The following FABP6 variants were observed in gnomAD, a reference collection of about 807,000 sequenced individuals.
FABP6 encodes the protein gastrotropin.
A neutral mutation model predicts 14.9 loss-of-function variants in FABP6; 13 were observed. The observed-to-expected ratio is 0.87, with a 90% CI of 0.57 to 1.39. FABP6 has a LOEUF of 1.39. Among genes scored for constraint, FABP6 ranks in the 40% most tolerant of loss-of-function variants. The pLI, the probability that FABP6 is intolerant of heterozygous loss-of-function variation, is 0.00. For synonymous variants in FABP6, 75 were observed against 63.6 expected, an observed-to-expected ratio of 1.18 and a Z score of -0.85; for missense variants, 161 against 167.2, an observed-to-expected ratio of 0.96 and a Z score of 0.20.
intron 3 of FABP6, among the ~76,000 whole-genome samples, chr5:160,215,398 A>AGGGAG: frequency 6.6e-6 from 1 of 152,308 alleles, no homozygotes; most frequent in African/African-American, 2.4e-5. Flanking sequence ...CTGTAATCCC[A>AGGGAG]GCTACTAGGG....
upstream of FABP6, among the ~76,000 whole-genome samples, chr5:160,225,628 C>T (rs1295467064): frequency 6.6e-6 from 1 of 151,398 alleles, no homozygotes; most frequent in Non-Finnish European, 1.5e-5. Context: ...TCTCGATCTC[C>T]TGATTTTGTG....
At chr5:160,200,887 G>A (rs998739272) in intron 2 of FABP6, among the ~76,000 whole-genome samples, 1 of 152,126 alleles carries the variant, frequency 6.6e-6, no homozygotes, top group Non-Finnish European at 1.5e-5. Flanking sequence ...GCATTGCCAG[G>A]GAAGTATGAA....
intron 3 of FABP6, among the ~76,000 whole-genome samples, chr5:160,218,753 G>A (rs1299233332): frequency 1.3e-5 from 2 of 150,024 alleles, no homozygotes; most frequent in African/African-American, 5.0e-5. Flanking sequence ...GAGCCACTGC[G>A]CCTGGCCTTT....
intron 2 of FABP6, among the ~76,000 whole-genome samples, chr5:160,211,967 C>T (rs1241919211): frequency 6.7e-6 from 1 of 148,764 alleles, no homozygotes. Context: ...TCATCCTGTG[C>T]CTTCCTATGC....
At chr5:160,204,045 A>G (rs1430039551) in intron 2 of FABP6, among the ~76,000 whole-genome samples, 1 of 151,756 alleles carries the variant, frequency 6.6e-6, no homozygotes, top group Non-Finnish European at 1.5e-5. Flanking sequence ...ATAAATTTCC[A>G]AAAAATAAGG....
chr5:160,238,637 G>A lies in FABP6; in HGVS notation c.365G>A (p.Arg122His), dbSNP rs533349497. The change falls in exon 4 of 4, where the codon CGC becomes CAC. Residue 122 changes from arginine to histidine, a missense_variant. By Grantham distance (29) the Arg-to-His change is conservative. Transcript: ENST00000402432. Reference sequence around the variant, plus strand: ...ACCATCGGAGGCGTGACCTATGAGCGCGTGAGCAAGAGACTGGCCTAAGCA... The same window carrying A: ...ACCATCGGAGGCGTGACCTATGAGCACGTGAGCAAGAGACTGGCCTAAGCA... ...VSTIGGVTYE[R>H]VSKRLA The A allele has an allele frequency of 5.6e-5, 90 of 1,614,030 alleles. No homozygotes were observed. The highest frequency in any genetic ancestry group is 3.1e-4 in the East Asian group (14 of 44,876).
intron 3 of FABP6, among the ~76,000 whole-genome samples, chr5:160,235,684 C>T (rs1376656964): frequency 2.0e-5 from 3 of 152,138 alleles, no homozygotes; most frequent in Non-Finnish European, 4.4e-5. Flanking sequence ...AGAAAGGGCC[C>T]TTCCCTCCTC....
intron 2 of FABP6, among the ~76,000 whole-genome samples, chr5:160,210,431 A>G (rs1199364782): frequency 6.6e-6 from 1 of 152,208 alleles, no homozygotes; most frequent in Non-Finnish European, 1.5e-5. Flanking sequence ...CACCTCAAAC[A>G]TGAAGGAATC....
chr5:160,191,758 C>T (rs555277931), intron 1 of FABP6, among the ~76,000 whole-genome samples: 6 of 148,582 alleles, frequency 4.0e-5, no homozygotes, highest in East Asian at 4.0e-4. Context: ...TCAGGAGATC[C>T]AGACCACCCT....
Position 160,232,080 on chromosome 5 carries a change from G to C in FABP6, c.68-18G>C, listed in dbSNP as rs1276597170. On this transcript the variant is annotated intron_variant, in intron 1 of 3. Coordinates refer to ENST00000402432, the MANE Select transcript of FABP6 (RefSeq NM_001445.3). ...AAAGCAGCTCTTATATGGCTACTCT[G>C]CTTGTCCCCGGGTCCAGGGATCTCC... The C allele has an allele frequency of 5.0e-6, 8 of 1,612,868 alleles. No homozygotes were observed. Among genetic ancestry groups the C allele is most frequent in the Non-Finnish European group, 6.8e-6 (8 of 1,179,492 alleles).
Position 160,238,633 on chromosome 5 carries a change from G to C in FABP6, c.361G>C (p.Glu121Gln), listed in dbSNP as rs1379368786. ...CTCCACCATCGGAGGCGTGACCTAT[G>C]AGCGCGTGAGCAAGAGACTGGCCTA... Reference protein sequence around the residue: ...EVSTIGGVTYERVSKRLA With the variant: ...EVSTIGGVTYQRVSKRLA Residue 121 changes from glutamate to glutamine, a missense_variant, in exon 4 of 4, where the codon GAG becomes CAG. Physicochemically the swap from Glu to Gln is conservative, Grantham distance 29. Coordinates refer to ENST00000402432, the MANE Select transcript of FABP6 (RefSeq NM_001445.3). 1.9e-6 allele frequency: 3 copies of C among 1,613,950 alleles called. No homozygotes were observed.
chr5:160,219,932 C>T (rs910651325), intron 3 of FABP6, among the ~76,000 whole-genome samples: 4 of 152,176 alleles, frequency 2.6e-5, no homozygotes, highest in Admixed American at 6.6e-5. Flanking sequence ...GCCCTCCCTT[C>T]CTACATCCCC....
At chr5:160,229,411 C>G, upstream of FABP6, 1 of 1,494,596 alleles carries the variant, frequency 6.7e-7, no homozygotes. Context: ...CAAGTGCTTC[C>G]TCTTCAGGAC....
upstream of FABP6, among the ~76,000 whole-genome samples, chr5:160,227,538 A>G (rs187515051): frequency 1.1e-4 from 16 of 150,252 alleles, no homozygotes; most frequent in Admixed American, 9.3e-4. Flanking sequence ...AAAAAAAAAA[A>G]AAAAAGGCAT....
chr5:160,212,181 GTC>G (rs1216468154), intron 2 of FABP6, among the ~76,000 whole-genome samples: 1 of 151,586 alleles, frequency 6.6e-6, no homozygotes, highest in East Asian at 1.9e-4. Flanking sequence ...TTGAGATGGA[GTC>G]TCTCTCTGTT....
chr5:160,230,919 A>G (rs142678116), intron 1 of FABP6, among the ~76,000 whole-genome samples: 1 of 152,378 alleles, frequency 6.6e-6, no homozygotes, highest in Non-Finnish European at 1.5e-5. Flanking sequence ...CAGAGAGACC[A>G]GTGATTTCAT....
chr5:160,227,818 ACG>A (rs1491515992), upstream of FABP6, among the ~76,000 whole-genome samples: 118 of 130,856 alleles, frequency 9.0e-4, no homozygotes, highest in South Asian at 8.7e-3. Context: ...AAAATCCATG[ACG>A]TGTGTGTGTG....
intron 2 of FABP6, among the ~76,000 whole-genome samples, chr5:160,234,054 C>T (rs867986843): frequency 2.6e-5 from 4 of 152,120 alleles, no homozygotes; most frequent in African/African-American, 4.8e-5. Flanking sequence ...GTCAGGTTGG[C>T]GGCAGCAGGG....
intron 2 of FABP6, among the ~76,000 whole-genome samples, chr5:160,202,825 C>T (rs1169716391): frequency 6.6e-6 from 1 of 151,308 alleles, no homozygotes; most frequent in Non-Finnish European, 1.5e-5. Flanking sequence ...TTTTAACTGG[C>T]TTTTCTTAGC....
Sources: gnomAD v4.1 joint callset for allele counts (sites outside exome capture counted in the v4.1 genomes callset) on GRCh38, gnomAD v4.1.1 for gene constraint, MANE v1.5 for transcripts, NCBI Gene and HGNC (gene_info 2026-07-23, HGNC 2026-07-21) for gene names.